LRFN5: variants seen among roughly 807,000 people sequenced by gnomAD.
LRFN5 encodes the protein leucine rich repeat and fibronectin type III domain containing 5.
Under a neutral mutation model 45.6 loss-of-function variants are expected in LRFN5, and 24 were observed. The ratio of observed to expected loss-of-function variants is 0.53; its 90% confidence interval spans 0.38 to 0.74. The LOEUF (loss-of-function observed/expected upper bound fraction) is 0.74. LRFN5 is among the 30% of genes least tolerant of loss of function. The pLI, the probability that LRFN5 is intolerant of heterozygous loss-of-function variation, is 0.00. For synonymous variants in LRFN5, 340 were observed against 313.8 expected (o/e 1.08, Z -0.88); for missense variants, 776 against 861.5 (o/e 0.90, Z 1.24).
chr14:41,637,377 A>G (rs1001576776), intron 1 of LRFN5, among the ~76,000 whole-genome samples: 18 of 152,158 alleles, frequency 1.2e-4, no homozygotes, highest in African/African-American at 4.3e-4. Flanking sequence ...AAACTATTAG[A>G]ATCAAGGGAG....
intron 2 of LRFN5, among the ~76,000 whole-genome samples, chr14:41,837,194 C>T (rs75855266): frequency 6.6e-5 from 5 of 75,406 alleles, no homozygotes; most frequent in African/African-American, 2.2e-4. Context: ...ACACACTCCA[C>T]AAAAAAAAAA....
At chr14:41,721,499 G>A (rs1883711853) in intron 1 of LRFN5, among the ~76,000 whole-genome samples, 1 of 152,098 alleles carries the variant, frequency 6.6e-6, no homozygotes, top group African/African-American at 2.4e-5. Flanking sequence ...TTTTGTGGTA[G>A]CAGGTATCAT....
chr14:41,847,082 T>C (rs1029481859), intron 2 of LRFN5, among the ~76,000 whole-genome samples: 2 of 152,116 alleles, frequency 1.3e-5, no homozygotes, highest in African/African-American at 4.8e-5. Flanking sequence ...AGATAAAACA[T>C]TTTCATGAAA....
At chr14:41,878,445 T>G (rs1050358121) in intron 2 of LRFN5, among the ~76,000 whole-genome samples, 1 of 152,144 alleles carries the variant, frequency 6.6e-6, no homozygotes, top group African/African-American at 2.4e-5. Context: ...AAATTTGCTT[T>G]TATATTCCAT....
chr14:41,673,267 GCTC>G (rs1881328627), intron 1 of LRFN5, among the ~76,000 whole-genome samples: 1 of 151,770 alleles, frequency 6.6e-6, no homozygotes, highest in Admixed American at 6.5e-5. Flanking sequence ...GGGCAGAGGG[GCTC>G]CTCACTTCCC....
chr14:41,851,898 A>T (rs17781474), intron 2 of LRFN5, among the ~76,000 whole-genome samples: 51,033 of 151,298 alleles, frequency 0.34, 9,633 homozygotes, highest in Non-Finnish European at 0.43. Context: ...AGGCCGTTTT[A>T]TTAATGATCA....
intron 1 of LRFN5, among the ~76,000 whole-genome samples, chr14:41,712,243 T>C (rs1883313940): frequency 6.6e-6 from 1 of 152,074 alleles, no homozygotes; most frequent in South Asian, 2.1e-4. Context: ...TTAAAAACTC[T>C]GTAAGATTTA....
At chr14:41,866,618 C>A (rs754479048) in intron 2 of LRFN5, among the ~76,000 whole-genome samples, 1 of 152,028 alleles carries the variant, frequency 6.6e-6, no homozygotes, top group African/African-American at 2.4e-5. Flanking sequence ...CTGATAACCC[C>A]GTGCCATTTT....
intron 2 of LRFN5, among the ~76,000 whole-genome samples, chr14:41,839,413 T>C (rs531691925): frequency 6.6e-6 from 1 of 152,224 alleles, no homozygotes; most frequent in African/African-American, 2.4e-5. Flanking sequence ...TAAGATAGTA[T>C]AATAACAATA....
intron 1 of LRFN5, among the ~76,000 whole-genome samples, chr14:41,674,673 C>T (rs1174705617): frequency 6.6e-6 from 1 of 150,762 alleles, no homozygotes; most frequent in East Asian, 2.0e-4. Context: ...ACCTCCCTCC[C>T]GGATGGGACG....
intron 1 of LRFN5, among the ~76,000 whole-genome samples, chr14:41,683,793 G>A (rs1224713215): frequency 6.6e-6 from 1 of 152,002 alleles, no homozygotes; most frequent in African/African-American, 2.4e-5. Flanking sequence ...TAATGAAACT[G>A]AAGAAGATAT....
At chr14:41,837,157 A>C (rs1417037472) in intron 2 of LRFN5, among the ~76,000 whole-genome samples, 1 of 144,834 alleles carries the variant, frequency 6.9e-6, no homozygotes, top group Non-Finnish European at 1.5e-5. Context: ...GGAGGCACTA[A>C]AGGGAATTTG....
chr14:41,894,479 A>G (rs1313066830), intron 4 of LRFN5: 1 of 961,378 alleles, frequency 1.0e-6, no homozygotes, highest in African/African-American at 1.8e-5. Context: ...GTTCTTAAAA[A>G]TGATAGAAAG....
chr14:41,812,365 T>C (rs538147002), intron 2 of LRFN5, among the ~76,000 whole-genome samples: 12 of 152,072 alleles, frequency 7.9e-5, no homozygotes, highest in South Asian at 4.1e-4. Context: ...AATAATATTA[T>C]AATTTTAGCT....
intron 2 of LRFN5, among the ~76,000 whole-genome samples, chr14:41,861,073 A>C (rs1889643410): frequency 6.6e-6 from 1 of 152,154 alleles, no homozygotes; most frequent in South Asian, 2.1e-4. Context: ...GAATGTCATT[A>C]ATGTTTATAC....
chr14:41,623,613 A>G (rs1157395919), intron 1 of LRFN5, among the ~76,000 whole-genome samples: 1 of 152,124 alleles, frequency 6.6e-6, no homozygotes. Flanking sequence ...AGTTTTAAAT[A>G]TAAACTTTCG....
chr14:41,683,965 ACCT>A (rs1214268955), intron 1 of LRFN5, among the ~76,000 whole-genome samples: 1 of 152,218 alleles, frequency 6.6e-6, no homozygotes, highest in Non-Finnish European at 1.5e-5. Context: ...ATTATGTGGA[ACCT>A]CAGAAGACCC....
intron 1 of LRFN5, among the ~76,000 whole-genome samples, chr14:41,649,124 C>A (rs1163875926): frequency 2.6e-5 from 4 of 151,854 alleles, no homozygotes; most frequent in Admixed American, 1.3e-4. Context: ...ATCCCAGCTA[C>A]TCGGAAGGCT....
chr14:41,789,716 G>T (rs1886850940), intron 2 of LRFN5, among the ~76,000 whole-genome samples: 1 of 151,830 alleles, frequency 6.6e-6, no homozygotes, highest in South Asian at 2.1e-4. Context: ...GATTATGTGT[G>T]CTGTTCTTTT....
Sources: gnomAD v4.1 joint callset for allele counts (sites outside exome capture counted in the v4.1 genomes callset) on GRCh38, gnomAD v4.1.1 for gene constraint, MANE v1.5 for transcripts, NCBI Gene and HGNC (gene_info 2026-07-23, HGNC 2026-07-21) for gene names.